Variants in KANSL2 observed in about 807,000 individuals in gnomAD.
KANSL2 encodes the protein NSL complex protein NSL2.
Under a neutral mutation model 55.6 loss-of-function variants are expected in KANSL2, and 34 were observed. The observed-to-expected ratio is 0.61, with a 90% CI of 0.46 to 0.81. The LOEUF is 0.81. Among genes scored for constraint, KANSL2 ranks in the 40% least tolerant of loss-of-function variants. The pLI is 0.00. For missense variants in KANSL2, 502 were observed against 609.9 expected (o/e 0.82, Z 1.86); for synonymous variants, 209 against 214.3 (o/e 0.98, Z 0.22).
chr12:48,671,819 T>G lies in KANSL2; in HGVS notation c.689A>C (p.Lys230Thr). The change falls in exon 5 of 10, where the codon AAA (lysine) becomes ACA (threonine). Residue 230 changes from lysine (K) to threonine (T), a missense_variant. Transcript: ENST00000420613. Reference sequence around the variant, plus strand: ...CTTGCCTAGAGCTTCATGTTCCACTTTGCGATTATGTAAGTATCGGCGCTT... The same window carrying G: ...CTTGCCTAGAGCTTCATGTTCCACTGTGCGATTATGTAAGTATCGGCGCTT... ...EKKRRYLHNRKVEHEALGSSL... is the reference protein window; with the variant it reads ...EKKRRYLHNRTVEHEALGSSL... 1 of 1,612,156 alleles carries G rather than the reference T, an allele frequency of 6.2e-7. No homozygotes were observed. Among genetic ancestry groups the G allele is most frequent in the Non-Finnish European group, 8.5e-7 (1 of 1,178,894 alleles).
chr12:48,674,272 T>C (rs1482809464), intron 4 of KANSL2, among the ~76,000 whole-genome samples: 3 of 152,100 alleles, frequency 2.0e-5, no homozygotes. Context: ...TCCACAGTAG[T>C]TGAGATTGCA....
Position 48,679,753 on chromosome 12 carries a change from A to G in KANSL2, c.332T>C (p.Val111Ala). ...CAGCTGGCACAGGAGTGTTTCACCC[A>G]CAGGCCCTGGGTTGGTCTTCTTCAT... ...AQMKKTNPGP[V>A]GETLLCQLSS... Residue 111 changes from valine to alanine, a missense_variant, in exon 3 of 10, where the codon GTG (valine) becomes GCG (alanine). Val to Ala is a moderately conservative substitution (Grantham distance 64). Coordinates refer to ENST00000420613, the MANE Select transcript of KANSL2 (RefSeq NM_017822.4). 1 of 1,610,682 alleles carries G rather than the reference A, an allele frequency of 6.2e-7. No individual in the cohort carries two copies. Among genetic ancestry groups the G allele is most frequent in the Non-Finnish European group, 8.5e-7 (1 of 1,178,422 alleles).
intron 8 of KANSL2, among the ~76,000 whole-genome samples, chr12:48,658,933 C>A (rs1453308850): frequency 1.3e-5 from 2 of 152,178 alleles, no homozygotes; most frequent in Non-Finnish European, 2.9e-5. Context: ...GAATGAACGG[C>A]TGTGTTTTTA....
chr12:48,670,966 TA>T (rs1356135651), intron 5 of KANSL2, among the ~76,000 whole-genome samples: 2 of 151,668 alleles, frequency 1.3e-5, no homozygotes, highest in South Asian at 2.1e-4. Context: ...TCTGTCTCTT[TA>T]AAAAAAAGCT....
chr12:48,674,569 G>A (rs1939786559), intron 4 of KANSL2, among the ~76,000 whole-genome samples: 1 of 152,144 alleles, frequency 6.6e-6, no homozygotes, highest in African/African-American at 2.4e-5. Flanking sequence ...ATAAACAAAA[G>A]CCAATATTAC....
Position 48,680,880 on chromosome 12 carries a change from G to A in KANSL2, c.251+502C>T, listed in dbSNP as rs149341939. 4.1e-3 allele frequency among the ~76,000 whole-genome samples: 627 copies of A among 152,158 alleles called. 2 individuals carry two copies. Among genetic ancestry groups the A allele is most frequent in the Non-Finnish European group, 6.4e-3 (432 of 68,004 alleles). On this transcript the variant is annotated intron_variant, in intron 2 of 9. Transcript: ENST00000420613. ...TAAGTCCCAACTACTTAGGAGGCAG[G>A]AGAATCGCTTGAACCTGGAAGGAGG...
chr12:48,664,811 T>C (rs984736227), intron 7 of KANSL2, among the ~76,000 whole-genome samples: 2 of 150,926 alleles, frequency 1.3e-5, no homozygotes, highest in Non-Finnish European at 3.0e-5. Context: ...CTTGAACTCC[T>C]GACCTCGTGA....
At chr12:48,671,095 C>A (rs572897816) in intron 5 of KANSL2, among the ~76,000 whole-genome samples, 2 of 151,880 alleles carry the variant, frequency 1.3e-5, no homozygotes, top group Non-Finnish European at 2.9e-5. Flanking sequence ...CAAAACCCCC[C>A]CTCTACTAAA....
chr12:48,672,433 A>ATATATATATATATATATATT (rs371918890), intron 4 of KANSL2, among the ~76,000 whole-genome samples: 1 of 120,384 alleles, frequency 8.3e-6, no homozygotes, highest in African/African-American at 3.6e-5. Context: ...ATATATATAT[A>ATATATATATATATATATATT]TTTTTTTTTT....
chr12:48,664,387 C>G (rs1379435525), intron 7 of KANSL2, among the ~76,000 whole-genome samples: 1 of 151,290 alleles, frequency 6.6e-6, no homozygotes, highest in Non-Finnish European at 1.5e-5. Flanking sequence ...TCATGCCATT[C>G]TCCCACCTCA....
Position 48,669,144 on chromosome 12 carries a change from CCTT to C in KANSL2, c.835_837del (p.Lys279del). ...CCATCTGTGGCCAGCATTCTCCGTTCCTTCAACTGCCTATGCAGTAAGGCTTCC... is the reference window on the plus strand; with the variant it reads ...CCATCTGTGGCCAGCATTCTCCGTTCCAACTGCCTATGCAGTAAGGCTTCC... On this transcript the variant is annotated inframe_deletion, in exon 6 of 10. Coordinates refer to ENST00000420613, the MANE Select transcript of KANSL2 (RefSeq NM_017822.4). 1 of 1,550,420 alleles carries C rather than the reference CCTT, an allele frequency of 6.4e-7. No individual in the cohort carries two copies. The highest frequency in any genetic ancestry group is 8.7e-7 in the Non-Finnish European group (1 of 1,146,542).
intron 7 of KANSL2, 149 bp downstream of exon 7, chr12:48,667,544 T>C: frequency 1.3e-6 from 1 of 759,152 alleles, no homozygotes; most frequent in East Asian, 2.5e-5. Flanking sequence ...TTTAGGCTCC[T>C]GCTTGAAACC....
At chr12:48,662,627 A>C in intron 7 of KANSL2, 2 of 1,288,032 alleles carry the variant, frequency 1.6e-6, no homozygotes, top group Non-Finnish European at 2.0e-6. Flanking sequence ...AAGAGTTAAC[A>C]GGTCACCAAT....
At chr12:48,681,072 G>A (rs1264622934) in intron 2 of KANSL2, among the ~76,000 whole-genome samples, 1 of 148,870 alleles carries the variant, frequency 6.7e-6, no homozygotes, top group Non-Finnish European at 1.5e-5. Flanking sequence ...CTTGAGGCCA[G>A]GAGTTTGAGA....
At chr12:48,658,593 T>TA (rs1277736898) in intron 8 of KANSL2, 4 of 149,350 alleles carry the variant, frequency 2.7e-5, no homozygotes, top group East Asian at 2.0e-4. Context: ...CCATCTCTAC[T>TA]AAAAAATACA....
intron 6 of KANSL2, among the ~76,000 whole-genome samples, chr12:48,668,733 C>T (rs755123662): frequency 6.6e-6 from 1 of 152,126 alleles, no homozygotes; most frequent in Non-Finnish European, 1.5e-5. Context: ...TTGACAATTA[C>T]TCTAACTTTG....
At chr12:48,657,824 C>T (rs190122819) in intron 8 of KANSL2, among the ~76,000 whole-genome samples, 62 of 151,538 alleles carry the variant, frequency 4.1e-4, no homozygotes, top group East Asian at 4.0e-3. Context: ...ACCATGTTGG[C>T]CAGGCTAGTC....
At chr12:48,674,891 G>A (rs1005338829) in intron 4 of KANSL2, among the ~76,000 whole-genome samples, 6 of 151,142 alleles carry the variant, frequency 4.0e-5, no homozygotes, top group South Asian at 2.1e-4. Context: ...GCACCACCGC[G>A]CTCCAGCCTG....
At chr12:48,677,301 C>A (rs1345145945) in intron 4 of KANSL2, among the ~76,000 whole-genome samples, 1 of 152,166 alleles carries the variant, frequency 6.6e-6, no homozygotes, top group East Asian at 1.9e-4. Flanking sequence ...TATACAGCAG[C>A]CTCCTGTAAG....
Sources: allele counts gnomAD v4.1 joint callset (sites outside exome capture counted in the v4.1 genomes callset), GRCh38; gene constraint gnomAD v4.1.1; transcripts MANE v1.5; gene names NCBI Gene and HGNC (gene_info 2026-07-23, HGNC 2026-07-21).